Variants in PRKCE observed in about 807,000 individuals in gnomAD.
The protein encoded by PRKCE is protein kinase C epsilon.
PRKCE carries 16 observed loss-of-function variants against 85.4 expected under a neutral mutation model. The observed-to-expected ratio is 0.19, with a 90% CI of 0.13 to 0.28. PRKCE has a LOEUF of 0.28. Among genes scored for constraint, PRKCE ranks in the 10% least tolerant of loss-of-function variants. The probability of loss-of-function intolerance (pLI) is 1.00; values close to 1 mark genes in which losing one functional copy is unlikely to be tolerated. For synonymous variants in PRKCE, 388 were observed against 371.5 expected (o/e 1.04, Z -0.51); for missense variants, 573 against 975.2 (o/e 0.59, Z 5.49).
chr2:45,952,239 C>G (rs1463551677), intron 2 of PRKCE, among the ~76,000 whole-genome samples: 1 of 152,172 alleles, frequency 6.6e-6, no homozygotes, highest in African/African-American at 2.4e-5. Flanking sequence ...AGGAAAGGGA[C>G]TCACCCAACT....
At chr2:46,134,724 G>A (rs548008014) in intron 11 of PRKCE, among the ~76,000 whole-genome samples, 1 of 152,224 alleles carries the variant, frequency 6.6e-6, no homozygotes, top group African/African-American at 2.4e-5. Flanking sequence ...AAAGTGACTT[G>A]CTTGTGGTCA....
intron 11 of PRKCE, among the ~76,000 whole-genome samples, chr2:46,110,151 T>A (rs1672120156): frequency 6.6e-6 from 1 of 152,134 alleles, no homozygotes; most frequent in African/African-American, 2.4e-5. Context: ...AGTTGTTATA[T>A]TTTCTTGTAA....
chr2:45,759,916 A>G (rs1558641123), intron 1 of PRKCE, among the ~76,000 whole-genome samples: 3 of 152,136 alleles, frequency 2.0e-5, no homozygotes, highest in Admixed American at 1.3e-4. Flanking sequence ...TTGAGTTTCT[A>G]ATGTGTAGTT....
intron 1 of PRKCE, among the ~76,000 whole-genome samples, chr2:45,738,006 G>C (rs1395308003): frequency 6.6e-6 from 1 of 151,740 alleles, no homozygotes; most frequent in East Asian, 1.9e-4. Context: ...ACACCTCCTG[G>C]CAGGTCCTGA....
chr2:45,865,541 T>C (rs1693521710), intron 2 of PRKCE, among the ~76,000 whole-genome samples: 1 of 152,180 alleles, frequency 6.6e-6, no homozygotes, highest in Non-Finnish European at 1.5e-5. Flanking sequence ...ATGTTGTGCA[T>C]GTGATAGTAT....
At chr2:45,921,897 T>C (rs1698276578) in intron 2 of PRKCE, among the ~76,000 whole-genome samples, 1 of 152,248 alleles carries the variant, frequency 6.6e-6, no homozygotes, top group African/African-American at 2.4e-5. Context: ...CTGATTTCTA[T>C]ATTGTTTTTG....
At chr2:45,653,370 G>GTTTTTTTTTTTTTTTTGTT (rs1675221257) in intron 1 of PRKCE, among the ~76,000 whole-genome samples, 1 of 61,464 alleles carries the variant, frequency 1.6e-5, no homozygotes, top group Non-Finnish European at 3.0e-5. Context: ...TTTTTGGGTT[G>GTTTTTTTTTTTTTTTTGTT]TTTTTTTTTT....
At chr2:45,812,129 C>A (rs948882117) in intron 1 of PRKCE, among the ~76,000 whole-genome samples, 1 of 152,224 alleles carries the variant, frequency 6.6e-6, no homozygotes, top group Non-Finnish European at 1.5e-5. Flanking sequence ...CCCCACCTCT[C>A]TGAGTAAAGA....
At chr2:46,022,909 C>A (rs1464470688) in intron 10 of PRKCE, among the ~76,000 whole-genome samples, 2 of 151,280 alleles carry the variant, frequency 1.3e-5, no homozygotes, top group African/African-American at 4.9e-5. Flanking sequence ...AGGTGAAATC[C>A]CGTCTCTACT....
chr2:45,902,665 C>T (rs1380569258), intron 2 of PRKCE, among the ~76,000 whole-genome samples: 3 of 152,176 alleles, frequency 2.0e-5, no homozygotes, highest in Non-Finnish European at 4.4e-5. Context: ...ACTGTGACTA[C>T]ACTGGTCTGG....
chr2:45,775,908 A>G (rs1305601941), intron 1 of PRKCE, among the ~76,000 whole-genome samples: 2 of 152,090 alleles, frequency 1.3e-5, no homozygotes, highest in Non-Finnish European at 2.9e-5. Context: ...TGCATCCCTG[A>G]GACTTACTAG....
rs1370165381 is a variant in PRKCE, at chr2:45,786,014, G to A, written c.349-56986G>A. Among the ~76,000 whole-genome samples the A allele has an allele frequency of 6.6e-6, 1 of 152,164 alleles. No homozygotes were observed. Among genetic ancestry groups the A allele is most frequent in the African/African-American group, 2.4e-5 (1 of 41,418 alleles). On this transcript the variant is annotated intron_variant, in intron 1 of 14. Coordinates refer to ENST00000306156, the MANE Select transcript of PRKCE (RefSeq NM_005400.3). This position sits in a 1 kb window ranked among gnomAD's most constrained non-coding sequence, Gnocchi z 5.3. ...TCTGCTGCAGTCATGCTGCCTCAGC[G>A]CTGCTGAGGGGTCTAGAGTCTCACA...
intron 14 of PRKCE, among the ~76,000 whole-genome samples, chr2:46,168,953 C>T (rs1188925413): frequency 6.6e-6 from 1 of 152,186 alleles, no homozygotes; most frequent in Non-Finnish European, 1.5e-5. Context: ...GTCTGGCTGC[C>T]AGGAGGGACA....
chr2:45,708,146 A>G (rs1056404151), intron 1 of PRKCE, among the ~76,000 whole-genome samples: 4 of 151,608 alleles, frequency 2.6e-5, no homozygotes, highest in Non-Finnish European at 5.9e-5. Context: ...TGGACTCGAG[A>G]GCCTGCAGAT....
chr2:45,688,136 GATA>G (rs1182152861), intron 1 of PRKCE, among the ~76,000 whole-genome samples: 1 of 152,172 alleles, frequency 6.6e-6, no homozygotes, highest in African/African-American at 2.4e-5. Context: ...ATTTGACTCA[GATA>G]ATGATGCCAC....
intron 1 of PRKCE, among the ~76,000 whole-genome samples, chr2:45,663,601 G>A (rs11891186): frequency 0.068 from 10,368 of 152,252 alleles, 778 homozygotes; most frequent in African/African-American, 0.19. Flanking sequence ...GGCTAACACA[G>A]TGAAACCCCA....
intron 1 of PRKCE, among the ~76,000 whole-genome samples, chr2:45,783,898 T>C (rs551721959): frequency 1.3e-5 from 2 of 152,342 alleles, no homozygotes; most frequent in South Asian, 4.1e-4. Context: ...CATAGATCTG[T>C]CTGAAGAAAC....
At chr2:46,043,174 A>G (rs1289909027) in intron 10 of PRKCE, among the ~76,000 whole-genome samples, 3 of 152,198 alleles carry the variant, frequency 2.0e-5, no homozygotes, top group Non-Finnish European at 2.9e-5. Flanking sequence ...CATGTTAAAT[A>G]AAACAGTTTC....
chr2:46,032,268 C>A (rs1037148416), intron 10 of PRKCE, among the ~76,000 whole-genome samples: 1 of 151,548 alleles, frequency 6.6e-6, no homozygotes, highest in Non-Finnish European at 1.5e-5. Flanking sequence ...TAGGCACAAA[C>A]GATGAGCTGG....
Sources: gnomAD v4.1 joint callset for allele counts (sites outside exome capture counted in the v4.1 genomes callset) on GRCh38, gnomAD v4.1.1 for gene constraint, Gnocchi (gnomAD v3.1) non-coding constraint, MANE v1.5 for transcripts, NCBI Gene and HGNC (gene_info 2026-07-23, HGNC 2026-07-21) for gene names.